Variants in PTDSS1 observed in about 807,000 individuals in gnomAD.
The protein encoded by PTDSS1 is phosphatidylserine synthase 1.
In PTDSS1, 45 loss-of-function variants were observed where a neutral mutation model predicts 70.5. The observed-to-expected ratio is 0.64, with a 90% CI of 0.50 to 0.82. The LOEUF (loss-of-function observed/expected upper bound fraction) is 0.82, where lower values mean the gene tolerates loss of function less well. Among genes scored for constraint, PTDSS1 ranks in the 40% least tolerant of loss-of-function variants. PTDSS1 has a pLI of 0.00. For missense variants in PTDSS1, 417 were observed against 586.1 expected (o/e 0.71, Z 2.98); for synonymous variants, 188 against 203.8 (o/e 0.92, Z 0.66).
At chr8:96,280,798 G>A (rs1389758715) in intron 2 of PTDSS1, among the ~76,000 whole-genome samples, 2 of 152,138 alleles carry the variant, frequency 1.3e-5, no homozygotes, top group Admixed American at 1.3e-4. Flanking sequence ...TAAAGCACAG[G>A]TAAGGAGTAG....
At chr8:96,291,798 G>A (rs1481050063) in intron 4 of PTDSS1, among the ~76,000 whole-genome samples, 1 of 152,138 alleles carries the variant, frequency 6.6e-6, no homozygotes, top group African/African-American at 2.4e-5. Context: ...GGCTGGATGA[G>A]ATTCTAGATT....
At position 96,262,166 on chromosome 8, in the gene PTDSS1, C is replaced by T. The variant is rs921634131; in HGVS notation, c.126C>T (p.Thr42=). ...TTGACTTCTTCTACCGGCCGCATAC[C>T]ATCACCCTGCTCAGCTTCACCATCG... ...ITIDFFYRPH[T]ITLLSFTIVS... The change falls in exon 1 of 13, where the codon ACC becomes ACT. Residue 42 remains threonine, a synonymous_variant. Coordinates refer to ENST00000517309, the MANE Select transcript of PTDSS1 (RefSeq NM_014754.3). The surrounding 1 kb of genome is among the most constrained non-coding windows in gnomAD (Gnocchi z 4.4). 1 of 1,613,922 alleles carries T rather than the reference C, an allele frequency of 6.2e-7. No homozygotes were observed. The highest frequency in any genetic ancestry group is 8.5e-7 in the Non-Finnish European group (1 of 1,179,820).
At position 96,265,584 on chromosome 8, in the gene PTDSS1, CAAACAAAACAAAACA is replaced by C. The variant is rs111419887; in HGVS notation, c.179+3389_179+3403del. ...CATGGTGTAACCCTATCTCTACAAA[CAAACAAAACAAAACA>C]AAACAAAACAAAACAAAACAAAAAT... On this transcript the variant is annotated intron_variant, in intron 1 of 12. Transcript: ENST00000517309. Among the ~76,000 whole-genome samples the C allele has an allele frequency of 1.9e-3, 291 of 151,844 alleles. 1 individual carries two copies. Among genetic ancestry groups the C allele is most frequent in the African/African-American group, 6.6e-3 (274 of 41,362 alleles).
chr8:96,262,263 GAAGAGGCGGGAGGGAGGGTGGC>G lies in PTDSS1; in HGVS notation c.179+45_179+66del. 2.6e-6 allele frequency: 2 copies of G among 763,932 alleles called. No individual in the cohort carries two copies. Among genetic ancestry groups the G allele is most frequent in the Non-Finnish European group, 2.1e-6 (1 of 481,254 alleles). The allele number at this position is 763,932 out of a possible 1,614,324, so 47.3% of individuals were successfully genotyped here. ...GCGGGGGGCGCGTCCAAGGGCTAGG[GAAGAGGCGGGAGGGAGGGTGGC>G]GGGGAGGGGGGCCCGGCATGGCTCT... On this transcript the variant is annotated intron_variant, in intron 1 of 12. Coordinates refer to ENST00000517309, the MANE Select transcript of PTDSS1 (RefSeq NM_014754.3). This position sits in a 1 kb window ranked among gnomAD's most constrained non-coding sequence, Gnocchi z 4.4.
chr8:96,322,239 C>T (rs549622083), intron 10 of PTDSS1, among the ~76,000 whole-genome samples: 3 of 152,168 alleles, frequency 2.0e-5, no homozygotes, highest in Non-Finnish European at 4.4e-5. Context: ...CCTCTCTGGT[C>T]CCTGTCTTAG....
intron 9 of PTDSS1, among the ~76,000 whole-genome samples, chr8:96,319,846 A>G (rs1811349691): frequency 6.6e-6 from 1 of 152,178 alleles, no homozygotes; most frequent in Non-Finnish European, 1.5e-5. Context: ...GTGACAAGGA[A>G]AAACTTCCTA....
At position 96,320,310 on chromosome 8, in the gene PTDSS1, C is replaced by T. The variant is rs1811356618; in HGVS notation, c.1138C>T (p.Gln380Ter). The stretch of plus-strand genomic sequence containing the variant: ...TGGACAAGATCTCTTCTCTAAGACC[C>T]AAATACTCTATGTTGTGCTTTGGCT... ...KFGQDLFSKT[Q>*]ILYVVLWLLC... Residue 380 changes from glutamine to a stop codon, truncating the protein, a stop_gained, in exon 10 of 13, where the codon CAA (glutamine) becomes TAA (stop). Transcript: ENST00000517309. LOFTEE classifies it high-confidence loss of function. 6.2e-7 allele frequency: 1 copy of T among 1,612,986 alleles called. No homozygotes were observed. Among genetic ancestry groups the T allele is most frequent in the Admixed American group, 1.7e-5 (1 of 59,976 alleles).
chr8:96,287,203 GAGGTAAT>G (rs1810835735), intron 4 of PTDSS1, 57 bp downstream of exon 4: 3 of 1,582,338 alleles, frequency 1.9e-6, no homozygotes, highest in African/African-American at 1.4e-5. Flanking sequence ...TTGGGTGTAA[GAGGTAAT>G]AGACTTGACA....
In PTDSS1 at chr8:96,261,962, A is replaced by C. The variant is rs1020822500; in HGVS notation, c.-79A>C. The C allele has an allele frequency of 4.2e-6, 6 of 1,445,682 alleles. No homozygotes were observed. The South Asian group carries it at 7.8e-5, about 19-fold the overall frequency. 89.6% of individuals were successfully genotyped at this position (1,445,682 alleles called of 1,614,324 possible). ...GGCTTTGCCGTCCGGCTATTAGCCT[A>C]CTGTGGCTAGTCACCCCCGGGGTCC... On this transcript the variant is annotated 5_prime_UTR_variant, in exon 1 of 13. Transcript: ENST00000517309.
chr8:96,314,498 T>C (rs1811257480), intron 9 of PTDSS1, among the ~76,000 whole-genome samples: 1 of 152,102 alleles, frequency 6.6e-6, no homozygotes, highest in African/African-American at 2.4e-5. Flanking sequence ...TTATAGCCAG[T>C]TCCCCTTCTC....
chr8:96,272,264 TA>T (rs1810577382), intron 1 of PTDSS1, among the ~76,000 whole-genome samples: 1 of 152,206 alleles, frequency 6.6e-6, no homozygotes, highest in African/African-American at 2.4e-5. Context: ...GAGGTTCATT[TA>T]TTTTTTTAAT....
At chr8:96,319,629 T>A (rs1300601913) in intron 9 of PTDSS1, among the ~76,000 whole-genome samples, 1 of 152,216 alleles carries the variant, frequency 6.6e-6, no homozygotes, top group Non-Finnish European at 1.5e-5. Flanking sequence ...ATGTGATTAA[T>A]GCCTTCAAAT....
chr8:96,273,450 GA>G, intron 2 of PTDSS1, 60 bp downstream of exon 2: 1 of 1,257,338 alleles, frequency 8.0e-7, no homozygotes, highest in South Asian at 1.3e-5. Context: ...GTTTTTTTGA[GA>G]TGTGAGTCAT....
At chr8:96,306,732 C>CATTTAAA (rs1811130011) in intron 8 of PTDSS1, among the ~76,000 whole-genome samples, 176 bp downstream of exon 8, 2 of 152,154 alleles carry the variant, frequency 1.3e-5, no homozygotes, top group Non-Finnish European at 2.9e-5. Context: ...GTAACATTAA[C>CATTTAAA]CAGACATTTA....
chr8:96,306,421 A>C (rs1374484179), intron 7 of PTDSS1, 23 bp from the exon 8 acceptor site: 1 of 1,550,680 alleles, frequency 6.4e-7, no homozygotes, highest in Non-Finnish European at 8.9e-7. Context: ...TACCAGGTTG[A>C]CTAATTTCTC....
At position 96,262,354 on chromosome 8, in the gene PTDSS1, G is replaced by A; in HGVS notation, c.179+135G>A. The A allele has an allele frequency of 8.4e-7, 1 of 1,192,256 alleles. No individual in the cohort carries two copies. The highest frequency in any genetic ancestry group is 1.1e-6 in the Non-Finnish European group (1 of 877,886). The allele number at this position is 1,192,256 out of a possible 1,614,324, so 73.9% of individuals were successfully genotyped here. A position where few individuals can be genotyped will look rare whatever the true frequency, so the allele number is the denominator to read the frequency against. Reference sequence around the variant, plus strand: ...GCTGCTCCACGCACACGCACTGGCAGCCCGCCGCCCACGCGGCCCCTCCGC... The same window carrying A: ...GCTGCTCCACGCACACGCACTGGCAACCCGCCGCCCACGCGGCCCCTCCGC... On this transcript the variant is annotated intron_variant, in intron 1 of 12. Transcript: ENST00000517309. This position sits in a 1 kb window ranked among gnomAD's most constrained non-coding sequence, Gnocchi z 4.4.
intron 2 of PTDSS1, among the ~76,000 whole-genome samples, chr8:96,273,986 G>A (rs1429703910): frequency 6.6e-6 from 1 of 152,156 alleles, no homozygotes; most frequent in African/African-American, 2.4e-5. Flanking sequence ...AGTAAGTTTG[G>A]TGTTCTGCCA....
At chr8:96,310,911 G>A (rs562773301) in intron 9 of PTDSS1, among the ~76,000 whole-genome samples, 42 of 151,910 alleles carry the variant, frequency 2.8e-4, no homozygotes, top group Middle Eastern at 3.4e-3. Context: ...GACTACAGGC[G>A]CGTGCCACCA....
chr8:96,333,754 C>T lies in PTDSS1; in HGVS notation c.*188C>T. ...GACCTGGCCGCGTCAGGCAGATCAT[C>T]GCCTGGGGGGCCTTTGCCAACGTGG... On this transcript the variant is annotated 3_prime_UTR_variant, in exon 13 of 13. Coordinates refer to ENST00000517309, the MANE Select transcript of PTDSS1 (RefSeq NM_014754.3). 1 of 719,896 alleles carries T rather than the reference C, an allele frequency of 1.4e-6. No homozygotes were observed. The highest frequency in any genetic ancestry group is 1.5e-5 in the South Asian group (1 of 67,738). The allele number at this position is 719,896 out of a possible 1,614,324, so 44.6% of individuals were successfully genotyped here.
Sources: allele counts gnomAD v4.1 joint callset (sites outside exome capture counted in the v4.1 genomes callset), GRCh38; gene constraint gnomAD v4.1.1; non-coding constraint Gnocchi (gnomAD v3.1); transcripts MANE v1.5; gene names NCBI Gene and HGNC (gene_info 2026-07-23, HGNC 2026-07-21).